The following HEPHL1 variants were observed in gnomAD, a reference collection of about 807,000 sequenced individuals.
The protein encoded by HEPHL1 is hephaestin like 1.
A neutral mutation model predicts 122.0 loss-of-function variants in HEPHL1; 123 were observed. That is an observed-to-expected ratio of 1.01 (90% confidence interval 0.87 to 1.17). The LOEUF is 1.17. Ranked by LOEUF, HEPHL1 falls within the 50% of genes most tolerant of loss-of-function variation. The pLI is 0.00. For missense variants in HEPHL1, 1,452 were observed against 1,430.5 expected (o/e 1.01, Z -0.24); for synonymous variants, 527 against 508.9 (o/e 1.04, Z -0.48).
Position 94,064,489 on chromosome 11 carries a change from C to G in HEPHL1, c.787C>G (p.Gln263Glu), listed in dbSNP as rs1946017599. The stretch of plus-strand genomic sequence containing the variant: ...AGTTGACAAGAAAGATGCTGTTTTC[C>G]AGAGGAGTAACAAAATGCATGGTGA... The part of the protein sequence containing the change: ...DSVDKKDAVF[Q>E]RSNKMHALNG... Residue 263 changes from glutamine to glutamate, a missense_variant, in exon 4 of 20, where the codon CAG becomes GAG. Physicochemically the swap from Gln to Glu is conservative, Grantham distance 29. Coordinates refer to ENST00000315765, the MANE Select transcript of HEPHL1 (RefSeq NM_001098672.2). 1 of 1,612,456 alleles carries G rather than the reference C, an allele frequency of 6.2e-7. No individual in the cohort carries two copies. The highest frequency in any genetic ancestry group is 1.3e-5 in the African/African-American group (1 of 74,868).
intron 10 of HEPHL1, among the ~76,000 whole-genome samples, chr11:94,083,356 C>A (rs886177704): frequency 6.6e-6 from 1 of 152,198 alleles, no homozygotes; most frequent in African/African-American, 2.4e-5. Flanking sequence ...TTAATTCTCT[C>A]TCCCTGTCTC....
chr11:94,078,446 C>CATATAGATATATAT (rs1367101424), intron 9 of HEPHL1, among the ~76,000 whole-genome samples: 1 of 111,480 alleles, frequency 9.0e-6, no homozygotes, highest in East Asian at 2.5e-4. Flanking sequence ...TCAGATGTTC[C>CATATAGATATATAT]ATATATATAT....
chr11:94,105,907 T>C (rs1946404372), intron 16 of HEPHL1, 84 bp from the exon 17 acceptor site: 2 of 898,398 alleles, frequency 2.2e-6, no homozygotes, highest in African/African-American at 1.7e-5. Context: ...AAAATATCAG[T>C]GACCTAAAGA....
rs764580489 is a variant in HEPHL1, at chr11:94,110,925, A to G, written c.3068A>G (p.Asp1023Gly). 1 of 1,612,786 alleles carries G rather than the reference A, an allele frequency of 6.2e-7. No homozygotes were observed. The highest frequency in any genetic ancestry group is 1.3e-5 in the African/African-American group (1 of 74,856). ...LFKIDKSYRE[D>G]VYDLFPGTFQ... ...CAGATAGATAAATCTTACCGAGAAG[A>G]TGTGTATGATCTCTTTCCTGGGACA... The change falls in exon 18 of 20, where the codon GAT becomes GGT. Residue 1023 changes from aspartate to glycine, a missense_variant. Asp to Gly is a moderately conservative substitution (Grantham distance 94). Transcript: ENST00000315765.
intron 1 of HEPHL1, among the ~76,000 whole-genome samples, chr11:94,042,671 A>G (rs1461874320): frequency 6.9e-6 from 1 of 145,244 alleles, no homozygotes; most frequent in Admixed American, 7.0e-5. Flanking sequence ...TGGGAATTGA[A>G]CAATGAGATC....
chr11:94,080,004 A>T (rs1189478670), intron 9 of HEPHL1, among the ~76,000 whole-genome samples: 1 of 152,240 alleles, frequency 6.6e-6, no homozygotes, highest in Non-Finnish European at 1.5e-5. Context: ...CCTAAGCAAA[A>T]GGAACAAAGC....
intron 10 of HEPHL1, among the ~76,000 whole-genome samples, chr11:94,083,099 A>AT (rs1204247570): frequency 6.6e-6 from 1 of 151,828 alleles, no homozygotes; most frequent in Non-Finnish European, 1.5e-5. Flanking sequence ...AAAAAAAAAA[A>AT]ATTTAAACTA....
intron 1 of HEPHL1, among the ~76,000 whole-genome samples, chr11:94,036,215 C>T (rs1945721322): frequency 1.3e-5 from 2 of 152,038 alleles, no homozygotes; most frequent in Non-Finnish European, 2.9e-5. Flanking sequence ...GAGCACTGTC[C>T]CTGGGTCTGT....
chr11:94,105,125 C>T (rs1811215473), intron 16 of HEPHL1, among the ~76,000 whole-genome samples: 1 of 152,122 alleles, frequency 6.6e-6, no homozygotes, highest in Admixed American at 6.5e-5. Flanking sequence ...GGATATGAAA[C>T]ACTACCATCA....
chr11:94,045,516 T>C (rs947968107), intron 1 of HEPHL1, among the ~76,000 whole-genome samples, 157 bp from the exon 2 acceptor site: 2 of 152,190 alleles, frequency 1.3e-5, no homozygotes, highest in Non-Finnish European at 1.5e-5. Context: ...TCCACATTAG[T>C]AAATTGAGGA....
chr11:94,030,355 A>G (rs1476656111), intron 1 of HEPHL1, among the ~76,000 whole-genome samples: 1 of 152,136 alleles, frequency 6.6e-6, no homozygotes, highest in Non-Finnish European at 1.5e-5. Context: ...GTATTCAGCT[A>G]CTCTTTAACA....
chr11:94,054,749 T>C lies in HEPHL1; in HGVS notation c.416-8759T>C, dbSNP rs768698702. ...CCAATTGCAGTACCTAGGCTGGAGCTACAGTAGACCTCAAATTGGGACCTA... is the reference window on the plus strand; with the variant it reads ...CCAATTGCAGTACCTAGGCTGGAGCCACAGTAGACCTCAAATTGGGACCTA... On this transcript the variant is annotated intron_variant, in intron 2 of 19. Coordinates refer to ENST00000315765, the MANE Select transcript of HEPHL1 (RefSeq NM_001098672.2). 6.4e-4 allele frequency among the ~76,000 whole-genome samples: 98 copies of C among 152,186 alleles called. 1 individual carries two copies. The highest frequency in any genetic ancestry group is 1.8e-4 in the Non-Finnish European group (12 of 68,038).
At chr11:94,072,001 A>C (rs560797011) in intron 6 of HEPHL1, among the ~76,000 whole-genome samples, 7 of 152,246 alleles carry the variant, frequency 4.6e-5, no homozygotes, top group Admixed American at 3.9e-4. Context: ...GAGGTCCTTT[A>C]ATCTTTTTGA....
rs747177101 is a variant in HEPHL1, at chr11:94,070,556, G to T, written c.1232+14G>T. On this transcript the variant is annotated intron_variant, in intron 6 of 19. Transcript: ENST00000315765. ...CGCCTCTGGCAGGTAAGCACCCTTTGTTGGTGTTTCTAAGCCTCTCGTCAG... is the reference window on the plus strand; with the variant it reads ...CGCCTCTGGCAGGTAAGCACCCTTTTTTGGTGTTTCTAAGCCTCTCGTCAG... The T allele has an allele frequency of 1.9e-6, 3 of 1,595,300 alleles. No homozygotes were observed. Among genetic ancestry groups the T allele is most frequent in the Middle Eastern group, 1.7e-4 (1 of 6,026 alleles).
chr11:94,110,870 T>G (rs1258354868), intron 17 of HEPHL1, 33 bp from the exon 18 acceptor site: 1 of 1,582,972 alleles, frequency 6.3e-7, no homozygotes, highest in East Asian at 2.3e-5. Flanking sequence ...CAAAGAAGGC[T>G]ACTAGCTGTT....
rs1279617316 is a variant in HEPHL1 at position 94,064,361 on chromosome 11, A to C, written c.659A>C (p.Asn220Thr). 1.2e-6 allele frequency: 2 copies of C among 1,613,042 alleles called. No homozygotes were observed. Among genetic ancestry groups the C allele is most frequent in the African/African-American group, 2.7e-5 (2 of 74,910 alleles). The change falls in exon 4 of 20, where the codon AAT (asparagine) becomes ACT (threonine). Residue 220 changes from asparagine (N) to threonine (T), a missense_variant. Asn to Thr is a moderately conservative substitution (Grantham distance 65). Transcript: ENST00000315765. Reference protein sequence around the residue: ...GILNRYSGTRNDVDREFVIMF... With the variant: ...GILNRYSGTRTDVDREFVIMF... ...CTGAATAGATATTCAGGGACACGGA[A>C]TGATGTGGATCGAGAGTTTGTTATA... is the stretch of plus-strand genomic sequence containing the variant.
chr11:94,103,695 G>A (rs1289411963), intron 15 of HEPHL1, among the ~76,000 whole-genome samples: 4 of 152,102 alleles, frequency 2.6e-5, no homozygotes, highest in South Asian at 2.1e-4. Flanking sequence ...ATCTAAAGTC[G>A]TTATTTGATG....
At chr11:94,039,331 G>A (rs1945753647) in intron 1 of HEPHL1, among the ~76,000 whole-genome samples, 2 of 151,686 alleles carry the variant, frequency 1.3e-5, no homozygotes, top group African/African-American at 2.4e-5. Context: ...AAGTCAACAA[G>A]GATACCCAGG....
At chr11:94,085,906 G>T in intron 10 of HEPHL1, 71 bp from the exon 11 acceptor site, 1 of 1,075,380 alleles carries the variant, frequency 9.3e-7, no homozygotes. Context: ...TTTGTAAACA[G>T]TTTACATATT....
Sources: gnomAD v4.1 joint callset for allele counts (sites outside exome capture counted in the v4.1 genomes callset) on GRCh38, gnomAD v4.1.1 for gene constraint, MANE v1.5 for transcripts, NCBI Gene and HGNC (gene_info 2026-07-23, HGNC 2026-07-21) for gene names.